Variants in CMSS1 observed in about 807,000 individuals in gnomAD.
CMSS1 encodes protein CMSS1.
CMSS1 carries 33 observed loss-of-function variants against 43.5 expected under a neutral mutation model. That is an observed-to-expected ratio of 0.76 (90% CI 0.57 to 1.01). The LOEUF (loss-of-function observed/expected upper bound fraction) is 1.01. Ranked by LOEUF, CMSS1 falls within the 50% of genes least tolerant of loss-of-function variation. The pLI is 0.00. For missense variants in CMSS1, 313 were observed against 326.4 expected (o/e 0.96, Z 0.32); for synonymous variants, 115 against 117.2 (o/e 0.98, Z 0.12).
intron 1 of CMSS1, among the ~76,000 whole-genome samples, chr3:100,107,188 A>G (rs1453812557): frequency 6.6e-6 from 1 of 152,168 alleles, no homozygotes; most frequent in Non-Finnish European, 1.5e-5. Flanking sequence ...GGACCTTTTG[A>G]GTTCTCTTTT....
rs139458654 is a variant in CMSS1 at position 99,965,947 on chromosome 3, T to C, written c.64+147904T>C. Among the ~76,000 whole-genome samples the C allele has an allele frequency of 2.9e-4, 44 of 152,248 alleles. 1 individual carries two copies. In the East Asian group the frequency reaches 6.8e-3, roughly 23 times the overall value. ...CTCCTGTCCCGCCTGCCACCAGTTC[T>C]CCACTCTCTCCCCATATGTAAGCCC... On this transcript the variant is annotated intron_variant, in intron 1 of 9. Coordinates refer to ENST00000421999, the MANE Select transcript of CMSS1 (RefSeq NM_032359.4).
intron 1 of CMSS1, among the ~76,000 whole-genome samples, chr3:100,013,877 A>G (rs1238737991): frequency 6.6e-6 from 1 of 152,154 alleles, no homozygotes; most frequent in Non-Finnish European, 1.5e-5. Context: ...GTTGTTAACT[A>G]TAGTCACCGT....
At chr3:100,155,903 A>C (rs1442723391) in intron 2 of CMSS1, among the ~76,000 whole-genome samples, 1 of 151,964 alleles carries the variant, frequency 6.6e-6, no homozygotes, top group African/African-American at 2.4e-5. Flanking sequence ...TTTGTATGTT[A>C]TTATTTTGAA....
intron 1 of CMSS1, among the ~76,000 whole-genome samples, chr3:99,865,513 G>A (rs1349626741): frequency 6.6e-6 from 1 of 152,090 alleles, no homozygotes; most frequent in Non-Finnish European, 1.5e-5. Context: ...TGAGACATTA[G>A]CAAATATTCT....
At chr3:100,009,432 T>C (rs1011532226) in intron 1 of CMSS1, among the ~76,000 whole-genome samples, 3 of 152,200 alleles carry the variant, frequency 2.0e-5, no homozygotes, top group Admixed American at 2.0e-4. Flanking sequence ...TCAAAGACAT[T>C]AATGGACCAT....
intron 1 of CMSS1, among the ~76,000 whole-genome samples, chr3:99,836,367 A>G (rs1233643819): frequency 6.6e-6 from 1 of 152,192 alleles, no homozygotes; most frequent in Non-Finnish European, 1.5e-5. Context: ...AGAGCAGTTC[A>G]AGAAAGATAG....
chr3:99,890,873 T>C (rs1336235235), intron 1 of CMSS1, among the ~76,000 whole-genome samples: 2 of 152,138 alleles, frequency 1.3e-5, no homozygotes, highest in Non-Finnish European at 2.9e-5. Context: ...TCAGATTTTT[T>C]TATATGAAGT....
At chr3:99,951,447 T>G (rs1036505379) in intron 1 of CMSS1, among the ~76,000 whole-genome samples, 1 of 152,210 alleles carries the variant, frequency 6.6e-6, no homozygotes, top group Non-Finnish European at 1.5e-5. Context: ...ATTGAATGAA[T>G]GAGGTTGTCT....
At chr3:100,062,845 A>C (rs556024081) in intron 1 of CMSS1, among the ~76,000 whole-genome samples, 10 of 152,304 alleles carry the variant, frequency 6.6e-5, no homozygotes, top group African/African-American at 2.2e-4. Flanking sequence ...TGTGATGACT[A>C]GTCCCCCAAC....
chr3:99,826,812 A>C (rs1462664492), intron 1 of CMSS1, among the ~76,000 whole-genome samples: 1 of 152,202 alleles, frequency 6.6e-6, no homozygotes, highest in African/African-American at 2.4e-5. Context: ...AAATAAATGA[A>C]GGACCAGGAA....
intron 1 of CMSS1, among the ~76,000 whole-genome samples, chr3:99,928,113 A>T (rs1438923141): frequency 6.6e-6 from 1 of 152,246 alleles, no homozygotes; most frequent in African/African-American, 2.4e-5. Flanking sequence ...AGCATTCAAG[A>T]TGCTTATTCT....
intron 1 of CMSS1, among the ~76,000 whole-genome samples, chr3:100,117,854 C>CACATATATAT (rs1320512565): frequency 2.2e-5 from 2 of 90,748 alleles, no homozygotes; most frequent in African/African-American, 4.9e-5. Context: ...TATATATATA[C>CACATATATAT]ATATATATAT....
At chr3:99,927,386 TG>T (rs1376882950) in intron 1 of CMSS1, among the ~76,000 whole-genome samples, 5 of 151,638 alleles carry the variant, frequency 3.3e-5, no homozygotes, top group African/African-American at 1.2e-4. Flanking sequence ...TTTTTTTTTT[TG>T]AGACGGAGTT....
chr3:99,917,272 A>G (rs1028587684), intron 1 of CMSS1, among the ~76,000 whole-genome samples: 1 of 152,212 alleles, frequency 6.6e-6, no homozygotes, highest in African/African-American at 2.4e-5. Flanking sequence ...GTGCCACAGA[A>G]TGAACACCTG....
intron 1 of CMSS1, among the ~76,000 whole-genome samples, chr3:99,954,671 C>G (rs541605644): frequency 6.6e-6 from 1 of 151,894 alleles, no homozygotes; most frequent in African/African-American, 2.4e-5. Flanking sequence ...ACTAAAAATA[C>G]AAAAATTAGC....
chr3:99,818,491 A>G (rs1001281132), intron 1 of CMSS1, among the ~76,000 whole-genome samples: 1 of 152,234 alleles, frequency 6.6e-6, no homozygotes, highest in Non-Finnish European at 1.5e-5. Flanking sequence ...TAATGATAAC[A>G]ATAATGTCCA....
intron 1 of CMSS1, chr3:100,025,300 G>A (rs2064897978): frequency 6.6e-6 from 1 of 152,156 alleles, no homozygotes. Flanking sequence ...CTGCTTTTGG[G>A]TTTGAGCCAG....
chr3:100,044,247 G>A (rs776726897), intron 1 of CMSS1, among the ~76,000 whole-genome samples: 2 of 152,186 alleles, frequency 1.3e-5, no homozygotes, highest in Admixed American at 6.5e-5. Flanking sequence ...GGGCACAAGC[G>A]ATGCAGTTGT....
rs186580916 is a variant in CMSS1 at position 100,005,286 on chromosome 3, G to A, written c.65-141687G>A. Among the ~76,000 whole-genome samples the A allele has an allele frequency of 2.7e-3, 410 of 152,272 alleles. 1 individual carries two copies. The highest frequency in any genetic ancestry group is 7.5e-3 in the South Asian group (36 of 4,824). On this transcript the variant is annotated intron_variant, in intron 1 of 9. Transcript: ENST00000421999. ...TTGTGTTTTTGGCTCAATATTCAGT[G>A]TGACTGCTTGACTACTGTCACTCAA...
Sources: gnomAD v4.1 joint callset for allele counts (sites outside exome capture counted in the v4.1 genomes callset) on GRCh38, gnomAD v4.1.1 for gene constraint, MANE v1.5 for transcripts, NCBI Gene and HGNC (gene_info 2026-07-23, HGNC 2026-07-21) for gene names.